The following SLC12A8 variants were observed in gnomAD, a reference collection of about 807,000 sequenced individuals.
SLC12A8 encodes solute carrier family 12 member 8.
Under a neutral mutation model 75.6 loss-of-function variants are expected in SLC12A8, and 69 were observed. The ratio of observed to expected loss-of-function variants is 0.91; its 90% CI spans 0.75 to 1.11. The LOEUF is 1.11. Among genes scored for constraint, SLC12A8 ranks in the 50% most tolerant of loss-of-function variants. The pLI is 0.00. For missense variants in SLC12A8, 877 were observed against 896.7 expected, an observed-to-expected ratio of 0.98 and a Z score of 0.28; for synonymous variants, 365 against 372.8, an observed-to-expected ratio of 0.98 and a Z score of 0.24.
intron 6 of SLC12A8, among the ~76,000 whole-genome samples, chr3:125,122,544 G>A (rs1289093994): frequency 2.0e-5 from 3 of 152,144 alleles, no homozygotes; most frequent in Non-Finnish European, 2.9e-5. Context: ...CATAGAAAAT[G>A]GAGAATATAA....
intron 6 of SLC12A8, among the ~76,000 whole-genome samples, chr3:125,128,594 C>T (rs1933275916): frequency 6.6e-6 from 1 of 151,814 alleles, no homozygotes; most frequent in African/African-American, 2.4e-5. Context: ...ATTTTCCTGC[C>T]TCAGCCTCCC....
At chr3:125,184,267 G>A (rs992525780) in intron 4 of SLC12A8, among the ~76,000 whole-genome samples, 2 of 152,182 alleles carry the variant, frequency 1.3e-5, no homozygotes, top group Non-Finnish European at 2.9e-5. Context: ...AACCACGCCC[G>A]ACCTGCAAGC....
At chr3:125,145,293 G>T (rs552527883) in intron 5 of SLC12A8, among the ~76,000 whole-genome samples, 1 of 152,180 alleles carries the variant, frequency 6.6e-6, no homozygotes, top group Non-Finnish European at 1.5e-5. Context: ...CCAGGTGGGG[G>T]CAGGCACCAC....
chr3:125,178,138 G>A (rs751723968), intron 4 of SLC12A8, among the ~76,000 whole-genome samples, 164 bp from the exon 5 acceptor site: 6 of 152,102 alleles, frequency 3.9e-5, no homozygotes, highest in Non-Finnish European at 7.4e-5. Context: ...CTTCCCACCC[G>A]TGAACCTGCC....
At chr3:125,165,752 C>A (rs1934271745) in intron 5 of SLC12A8, among the ~76,000 whole-genome samples, 1 of 152,108 alleles carries the variant, frequency 6.6e-6, no homozygotes, top group Non-Finnish European at 1.5e-5. Context: ...TCCTGAATAC[C>A]TATAATAGGC....
chr3:125,177,671 A>G, intron 5 of SLC12A8, 72 bp downstream of exon 5: 3 of 1,286,286 alleles, frequency 2.3e-6, no homozygotes, highest in Non-Finnish European at 3.3e-6. Flanking sequence ...GGGGTGGGCA[A>G]ACTCACACCT....
At chr3:125,165,504 G>A (rs1050349687) in intron 5 of SLC12A8, among the ~76,000 whole-genome samples, 1 of 152,308 alleles carries the variant, frequency 6.6e-6, no homozygotes, top group Admixed American at 6.5e-5. Context: ...TCGGGGACAC[G>A]CCCTGCTGGG....
intron 2 of SLC12A8, among the ~76,000 whole-genome samples, chr3:125,201,111 C>T (rs573724732): frequency 1.3e-5 from 2 of 152,242 alleles, no homozygotes; most frequent in South Asian, 2.1e-4. Context: ...AAATCAAAAA[C>T]AAACAGGCTG....
chr3:125,115,608 A>C (rs1432035364), intron 8 of SLC12A8, among the ~76,000 whole-genome samples: 1 of 152,152 alleles, frequency 6.6e-6, no homozygotes, highest in Non-Finnish European at 1.5e-5. Flanking sequence ...GAAATAGATC[A>C]GAGAAGCTGC....
At chr3:125,159,652 G>A (rs1032489697) in intron 5 of SLC12A8, among the ~76,000 whole-genome samples, 4 of 152,254 alleles carry the variant, frequency 2.6e-5, no homozygotes, top group Non-Finnish European at 5.9e-5. Flanking sequence ...GCCTCCCAAA[G>A]TGCTGGGATT....
chr3:125,101,499 A>G (rs1234179395), intron 10 of SLC12A8, among the ~76,000 whole-genome samples: 2 of 152,224 alleles, frequency 1.3e-5, no homozygotes, highest in African/African-American at 2.4e-5. Context: ...TAAAAATAAT[A>G]CGCTTTGGAA....
intron 2 of SLC12A8, among the ~76,000 whole-genome samples, chr3:125,196,456 G>A (rs556586648): frequency 2.8e-4 from 42 of 152,182 alleles, no homozygotes; most frequent in Non-Finnish European, 5.3e-4. Flanking sequence ...TATTGAATAA[G>A]AGTCAAGTTT....
rs115450991 is a variant in SLC12A8 at position 125,138,965 on chromosome 3, G to C, written c.623-3183C>G. 3.8e-3 allele frequency among the ~76,000 whole-genome samples: 576 copies of C among 152,212 alleles called. 8 individuals are homozygous for C. Among genetic ancestry groups the C allele is most frequent in the African/African-American group, 0.013 (547 of 41,498 alleles). On this transcript the variant is annotated intron_variant, in intron 5 of 13. Coordinates refer to ENST00000469902, the MANE Select transcript of SLC12A8 (RefSeq NM_024628.6). ...TTGAGCCCAGAAGGTCAAGGCTGCAGTCAGCTGTGACTATGCTACTGCACT... is the reference window on the plus strand; with the variant it reads ...TTGAGCCCAGAAGGTCAAGGCTGCACTCAGCTGTGACTATGCTACTGCACT...
At position 125,120,661 on chromosome 3, in the gene SLC12A8, C is replaced by G; in HGVS notation, c.762G>C (p.Gly254=). ...ATGVMAGFNM[G]GDLREPAASI... ...TGGCGGCAGGCTCCCTGAGGTCGCC[C>G]CCCATGTTGAAGCCGGCCATGACTC... The change falls in exon 7 of 14, where the codon GGG becomes GGC. Residue 254 remains glycine (G), a synonymous_variant. Coordinates refer to ENST00000469902, the MANE Select transcript of SLC12A8 (RefSeq NM_024628.6). 1.9e-6 allele frequency: 3 copies of G among 1,613,704 alleles called. No homozygotes were observed. The highest frequency in any genetic ancestry group is 2.5e-6 in the Non-Finnish European group (3 of 1,179,926).
intron 1 of SLC12A8, among the ~76,000 whole-genome samples, chr3:125,212,088 A>G (rs977344458): frequency 2.0e-5 from 3 of 151,940 alleles, no homozygotes; most frequent in Admixed American, 1.3e-4. Context: ...ACCCTTTGGT[A>G]GAAGGAGGAA....
At chr3:125,112,571 G>A (rs547468976) in intron 8 of SLC12A8, among the ~76,000 whole-genome samples, 1 of 152,272 alleles carries the variant, frequency 6.6e-6, no homozygotes, top group Admixed American at 6.5e-5. Context: ...GCAGCTTCAT[G>A]ACTTTGCTGT....
At chr3:125,212,563 C>A (rs1935357963) in intron 1 of SLC12A8, 137 bp downstream of exon 1, 1 of 152,504 alleles carries the variant, frequency 6.6e-6, no homozygotes, top group Admixed American at 6.5e-5. Context: ...GCGCGGGTGA[C>A]CGGCGGTAGG....
intron 5 of SLC12A8, among the ~76,000 whole-genome samples, chr3:125,142,750 C>T (rs1342774198): frequency 6.6e-6 from 1 of 152,242 alleles, no homozygotes; most frequent in Non-Finnish European, 1.5e-5. Context: ...AGATCGAACT[C>T]TCAGTAGCAC....
intron 6 of SLC12A8, among the ~76,000 whole-genome samples, chr3:125,125,120 CTT>C (rs11432176): frequency 2.8e-5 from 4 of 145,424 alleles, no homozygotes; most frequent in African/African-American, 5.1e-5. Context: ...GCATTGAACC[CTT>C]TTTTTTTTTT....
Sources: gnomAD v4.1 joint callset for allele counts (sites outside exome capture counted in the v4.1 genomes callset) on GRCh38, gnomAD v4.1.1 for gene constraint, MANE v1.5 for transcripts, NCBI Gene and HGNC (gene_info 2026-07-23, HGNC 2026-07-21) for gene names.